Variants in KCNJ6 observed in about 807,000 individuals in gnomAD.
The protein encoded by KCNJ6 is potassium inwardly rectifying channel subfamily J member 6.
A neutral mutation model predicts 34.2 loss-of-function variants in KCNJ6; 9 were observed. The ratio of observed to expected loss-of-function variants is 0.26; its 90% CI spans 0.16 to 0.46. KCNJ6 has a LOEUF of 0.46. Ranked by LOEUF, KCNJ6 falls within the 20% of genes least tolerant of loss-of-function variation. The pLI is 1.00. For missense variants in KCNJ6, 236 were observed against 531.3 expected (o/e 0.44, Z 5.46); for synonymous variants, 196 against 207.1 (o/e 0.95, Z 0.46).
At position 37,695,024 on chromosome 21, in the gene KCNJ6, A is replaced by G. The variant is rs909071950; in HGVS notation, c.946+19187T>C. ...ATCTGTTGTTTAAGCTGCCTAGCCTATGATATTTTGTTATGGCAGCCTGAG... is the reference window on the plus strand; with the variant it reads ...ATCTGTTGTTTAAGCTGCCTAGCCTGTGATATTTTGTTATGGCAGCCTGAG... On this transcript the variant is annotated intron_variant, in intron 3 of 3. Coordinates refer to ENST00000609713, the MANE Select transcript of KCNJ6 (RefSeq NM_002240.5). This position sits in a 1 kb window ranked among gnomAD's most constrained non-coding sequence, Gnocchi z 4.2. Among the ~76,000 whole-genome samples, 1 of 152,212 alleles carries G rather than the reference A, an allele frequency of 6.6e-6. No individual in the cohort carries two copies. Among genetic ancestry groups the G allele is most frequent in the African/African-American group, 2.4e-5 (1 of 41,452 alleles).
At chr21:37,805,103 C>G (rs1210588775) in intron 2 of KCNJ6, among the ~76,000 whole-genome samples, 1 of 151,940 alleles carries the variant, frequency 6.6e-6, no homozygotes, top group Non-Finnish European at 1.5e-5. Flanking sequence ...AAGGGATTGC[C>G]AGGAAAGGGG....
intron 2 of KCNJ6, among the ~76,000 whole-genome samples, chr21:37,801,731 A>ATT (rs11395894): frequency 1.6e-4 from 24 of 151,694 alleles, no homozygotes; most frequent in Admixed American, 3.3e-4. Context: ...CAGCACTGTG[A>ATT]TTTTTTTTAA....
chr21:37,826,207 G>A (rs2835993), intron 2 of KCNJ6, among the ~76,000 whole-genome samples: 2 of 88,440 alleles, frequency 2.3e-5, no homozygotes, highest in Non-Finnish European at 4.1e-5. Context: ...ATCCAGTATA[G>A]AAATGTGCGA....
intron 2 of KCNJ6, among the ~76,000 whole-genome samples, chr21:37,800,319 A>G (rs1192708514): frequency 6.6e-6 from 1 of 152,178 alleles, no homozygotes; most frequent in Admixed American, 6.5e-5. Context: ...AAGGCCATGA[A>G]GAAATCCACT....
rs1351267659 is a variant in KCNJ6, at chr21:37,618,673, A to T, written c.*6486T>A. 1 of 152,216 alleles carries T rather than the reference A, an allele frequency of 6.6e-6. No homozygotes were observed. Among genetic ancestry groups the T allele is most frequent in the East Asian group, 1.9e-4 (1 of 5,204 alleles). 9.4% of individuals were successfully genotyped at this position (152,216 alleles called of 1,614,324 possible). ...TGGCCACAATTCTCCGGCCAACCAC[A>T]GTGCATGTTGGGATTTGCATCTAGG... On this transcript the variant is annotated 3_prime_UTR_variant, in exon 4 of 4. Coordinates refer to ENST00000609713, the MANE Select transcript of KCNJ6 (RefSeq NM_002240.5).
At chr21:37,648,480 C>A (rs2054415872) in intron 3 of KCNJ6, among the ~76,000 whole-genome samples, 1 of 152,316 alleles carries the variant, frequency 6.6e-6, no homozygotes, top group Non-Finnish European at 1.5e-5. Flanking sequence ...GGTCTGGGAT[C>A]TCCATGGGAT....
chr21:37,762,662 G>A (rs137887639), intron 2 of KCNJ6, among the ~76,000 whole-genome samples: 180 of 152,216 alleles, frequency 1.2e-3, no homozygotes, highest in African/African-American at 4.0e-3. Flanking sequence ...GGCTCACCAC[G>A]ATGACATGGG....
At chr21:37,813,357 T>C (rs966160369) in intron 2 of KCNJ6, among the ~76,000 whole-genome samples, 4 of 152,100 alleles carry the variant, frequency 2.6e-5, no homozygotes, top group Admixed American at 1.3e-4. Context: ...ATTCAATGTA[T>C]TCCCTATCAA....
chr21:37,635,917 T>C (rs1203557446), intron 3 of KCNJ6, among the ~76,000 whole-genome samples: 1 of 152,268 alleles, frequency 6.6e-6, no homozygotes, highest in African/African-American at 2.4e-5. Context: ...ATTCCATTTT[T>C]GTTGGAAATT....
chr21:37,738,433 C>A (rs909497809), intron 2 of KCNJ6, among the ~76,000 whole-genome samples: 6 of 152,220 alleles, frequency 3.9e-5, no homozygotes, highest in African/African-American at 1.4e-4. Flanking sequence ...TATTTGATTT[C>A]TTTAAAGTTA....
intron 1 of KCNJ6, among the ~76,000 whole-genome samples, chr21:37,910,596 C>T (rs1471657382): frequency 1.3e-5 from 2 of 152,120 alleles, no homozygotes; most frequent in African/African-American, 2.4e-5. Flanking sequence ...GATTTCATGT[C>T]GGAAACCACA....
chr21:37,834,639 C>T (rs111848968), intron 2 of KCNJ6, among the ~76,000 whole-genome samples: 54 of 152,304 alleles, frequency 3.5e-4, no homozygotes, highest in African/African-American at 1.3e-3. Flanking sequence ...GATTAAAAAC[C>T]ACTCTGCTTT....
At chr21:37,838,787 T>C (rs7282807) in intron 2 of KCNJ6, among the ~76,000 whole-genome samples, 84,302 of 152,058 alleles carry the variant, frequency 0.55, 24,045 homozygotes, top group South Asian at 0.71. Context: ...TGTGTCCCCA[T>C]GCAAATCTCA....
At chr21:37,632,777 C>T (rs532445684) in intron 3 of KCNJ6, among the ~76,000 whole-genome samples, 1 of 151,958 alleles carries the variant, frequency 6.6e-6, no homozygotes, top group South Asian at 2.1e-4. Flanking sequence ...ATATAAATTA[C>T]CAATACTTAT....
chr21:37,855,179 TTTC>T lies in KCNJ6; in HGVS notation c.-27-14473_-27-14471del, dbSNP rs149887548. 7.1e-3 allele frequency among the ~76,000 whole-genome samples: 1,085 copies of T among 152,314 alleles called. 15 individuals carry two copies. Among genetic ancestry groups the T allele is most frequent in the African/African-American group, 0.025 (1,019 of 41,546 alleles). ...CTTTTAAAAAATAAAATTTTTTTGG[TTTC>T]TTTTCTTCTTTTTCTCTTTTTTACT... On this transcript the variant is annotated intron_variant, in intron 1 of 3. Coordinates refer to ENST00000609713, the MANE Select transcript of KCNJ6 (RefSeq NM_002240.5).
At chr21:37,736,788 C>T (rs2054915371) in intron 2 of KCNJ6, among the ~76,000 whole-genome samples, 1 of 152,170 alleles carries the variant, frequency 6.6e-6, no homozygotes, top group Non-Finnish European at 1.5e-5. Flanking sequence ...ATGCTTGAGG[C>T]CAGGTTGGAA....
intron 2 of KCNJ6, among the ~76,000 whole-genome samples, chr21:37,807,118 G>A (rs1568855720): frequency 6.6e-6 from 1 of 152,122 alleles, no homozygotes; most frequent in Non-Finnish European, 1.5e-5. Context: ...TTTTTAAGTT[G>A]CTAACCTATT....
rs910625466 is a variant in KCNJ6, at chr21:37,613,691, A to C, written c.*11468T>G. 1 of 152,244 alleles carries C rather than the reference A, an allele frequency of 6.6e-6. No homozygotes were observed. Among genetic ancestry groups the C allele is most frequent in the Non-Finnish European group, 1.5e-5 (1 of 68,042 alleles). The allele number at this position is 152,244 out of a possible 1,614,324, so 9.4% of individuals were successfully genotyped here. On this transcript the variant is annotated 3_prime_UTR_variant, in exon 4 of 4. Transcript: ENST00000609713. ...TAAGGCTGCGTACTGCATGAGTCCA[A>C]TTATATGCCATTCTGGAAAAGGCAA... is the stretch of plus-strand genomic sequence containing the variant.
chr21:37,688,370 A>AT (rs11461706), intron 3 of KCNJ6, among the ~76,000 whole-genome samples: 13,911 of 79,696 alleles, frequency 0.17, 1,255 homozygotes, highest in African/African-American at 0.35. Context: ...TTTTAAAAGC[A>AT]TTTTTTTTTT....
Sources: gnomAD v4.1 joint callset for allele counts (sites outside exome capture counted in the v4.1 genomes callset) on GRCh38, gnomAD v4.1.1 for gene constraint, Gnocchi (gnomAD v3.1) non-coding constraint, MANE v1.5 for transcripts, NCBI Gene and HGNC (gene_info 2026-07-23, HGNC 2026-07-21) for gene names.